RCOR1: variants seen among roughly 807,000 people sequenced by gnomAD.
RCOR1 encodes the protein REST corepressor.
In RCOR1, 12 loss-of-function variants were observed where a neutral mutation model predicts 64.0. The observed-to-expected ratio is 0.19, with a 90% CI of 0.12 to 0.30. RCOR1 has a LOEUF of 0.30. RCOR1 is among the 10% of genes least tolerant of loss of function. The probability of loss-of-function intolerance (pLI) is 1.00; values close to 1 mark genes in which losing one functional copy is unlikely to be tolerated. For synonymous variants in RCOR1, 279 were observed against 227.2 expected (o/e 1.23, Z -2.05); for missense variants, 502 against 621.2 (o/e 0.81, Z 2.04).
chr14:102,658,103 T>A, intron 2 of RCOR1: 1 of 244,614 alleles, frequency 4.1e-6, no homozygotes, highest in Non-Finnish European at 6.5e-6. Flanking sequence ...GCCTCCCAAG[T>A]AATTGGGATT....
intron 2 of RCOR1, chr14:102,659,368 T>C: frequency 6.2e-6 from 4 of 643,484 alleles, no homozygotes; most frequent in Non-Finnish European, 7.7e-6. Context: ...TTATTTTGGC[T>C]ATTCTGGTGG....
intron 2 of RCOR1, among the ~76,000 whole-genome samples, chr14:102,611,276 T>G (rs951782712): frequency 1.2e-4 from 19 of 152,096 alleles, no homozygotes; most frequent in African/African-American, 4.3e-4. Flanking sequence ...TTTCACCATG[T>G]TGGCCAGGCT....
At chr14:102,659,197 C>G (rs1205483913) in intron 2 of RCOR1, 1 of 984,288 alleles carries the variant, frequency 1.0e-6, no homozygotes, top group East Asian at 1.1e-4. Flanking sequence ...TCCATAAATA[C>G]TTAGATAAAT....
At chr14:102,676,046 T>C (rs1461270020) in intron 2 of RCOR1, among the ~76,000 whole-genome samples, 3 of 143,766 alleles carry the variant, frequency 2.1e-5, no homozygotes, top group East Asian at 4.2e-4. Context: ...TTTTTTTTTT[T>C]TTCCCCAAGG....
chr14:102,608,225 C>A (rs1301724027), intron 2 of RCOR1, among the ~76,000 whole-genome samples: 2 of 152,128 alleles, frequency 1.3e-5, no homozygotes, highest in African/African-American at 4.8e-5. Flanking sequence ...TTCTTATTCT[C>A]CATTCTCAGT....
chr14:102,658,968 A>C (rs1424595443), intron 2 of RCOR1: 1 of 289,150 alleles, frequency 3.5e-6, no homozygotes, highest in Non-Finnish European at 5.2e-6. Context: ...CACCTTCCAT[A>C]CTTATTTTTT....
chr14:102,707,575 AC>A (rs1895880778), intron 5 of RCOR1, 63 bp downstream of exon 5: 3 of 1,326,852 alleles, frequency 2.3e-6, no homozygotes, highest in Non-Finnish European at 3.1e-6. Context: ...TTTGCAGCAT[AC>A]TTGAGATAGG....
chr14:102,724,586 G>A (rs1821636942), intron 11 of RCOR1, among the ~76,000 whole-genome samples: 1 of 152,162 alleles, frequency 6.6e-6, no homozygotes, highest in South Asian at 2.1e-4. Context: ...GCTCGCCTCT[G>A]CCTCCCAAAG....
chr14:102,680,289 T>C (rs1394113969), intron 2 of RCOR1, among the ~76,000 whole-genome samples: 3 of 152,178 alleles, frequency 2.0e-5, no homozygotes, highest in Non-Finnish European at 4.4e-5. Context: ...CTACAAAATG[T>C]AGATTTTCTA....
intron 2 of RCOR1, among the ~76,000 whole-genome samples, chr14:102,601,690 T>G (rs1323247634): frequency 6.6e-6 from 1 of 152,198 alleles, no homozygotes; most frequent in African/African-American, 2.4e-5. Flanking sequence ...GGAATGGTCC[T>G]TCTTTGTGAA....
chr14:102,689,777 A>T (rs1428284221), intron 3 of RCOR1, among the ~76,000 whole-genome samples: 1 of 152,164 alleles, frequency 6.6e-6, no homozygotes, highest in Non-Finnish European at 1.5e-5. Flanking sequence ...AGAGTCTCGC[A>T]CTGATGCCTG....
In RCOR1 at chr14:102,726,616, A is replaced by T. The variant is rs569295194; in HGVS notation, c.*110A>T. 69 of 955,756 alleles carry T rather than the reference A, an allele frequency of 7.2e-5. 1 individual carries two copies. Among genetic ancestry groups the T allele is most frequent in the East Asian group, 3.2e-4 (13 of 41,168 alleles). 59.2% of individuals were successfully genotyped at this position (955,756 alleles called of 1,614,324 possible). On this transcript the variant is annotated 3_prime_UTR_variant, in exon 12 of 12. Coordinates refer to ENST00000262241, the MANE Select transcript of RCOR1 (RefSeq NM_015156.4). Reference sequence around the variant, plus strand: ...ATCACATCTCTCTGGACAAGCAGCTATTACCAAAAAAGGCATATACTTCCA... The same window carrying T: ...ATCACATCTCTCTGGACAAGCAGCTTTTACCAAAAAAGGCATATACTTCCA...
chr14:102,616,524 G>A (rs534531539), intron 2 of RCOR1, among the ~76,000 whole-genome samples: 71 of 152,244 alleles, frequency 4.7e-4, no homozygotes, highest in Non-Finnish European at 8.4e-4. Flanking sequence ...TCCGGCCTTG[G>A]ATTCCCAAAG....
intron 2 of RCOR1, among the ~76,000 whole-genome samples, chr14:102,677,169 C>A (rs1225424831): frequency 7.1e-6 from 1 of 141,544 alleles, no homozygotes; most frequent in East Asian, 2.2e-4. Flanking sequence ...TGACCCCCCC[C>A]CACCTCCCTC....
chr14:102,627,629 C>T (rs1379703270), intron 2 of RCOR1, among the ~76,000 whole-genome samples: 1 of 151,598 alleles, frequency 6.6e-6, no homozygotes, highest in Non-Finnish European at 1.5e-5. Context: ...TGCACTCCAG[C>T]CTGGGCGACA....
intron 5 of RCOR1, among the ~76,000 whole-genome samples, chr14:102,708,066 C>T (rs1010674100): frequency 3.3e-5 from 5 of 151,520 alleles, no homozygotes; most frequent in Admixed American, 6.6e-5. Flanking sequence ...CCCGGGTTCA[C>T]GCCATTCTCC....
At chr14:102,655,110 CTTTTTT>C (rs67404203) in intron 2 of RCOR1, 41 of 104,518 alleles carry the variant, frequency 3.9e-4, no homozygotes, top group Non-Finnish European at 4.7e-4. Context: ...CGCGGACAAC[CTTTTTT>C]TTTTTTTTTT....
intron 2 of RCOR1, among the ~76,000 whole-genome samples, chr14:102,620,006 A>T (rs1893841276): frequency 6.6e-6 from 1 of 152,204 alleles, no homozygotes; most frequent in Non-Finnish European, 1.5e-5. Flanking sequence ...ATTACTTCTC[A>T]TTGCTTCCAC....
At chr14:102,660,425 C>T (rs541014324) in intron 2 of RCOR1, among the ~76,000 whole-genome samples, 9 of 151,836 alleles carry the variant, frequency 5.9e-5, no homozygotes, top group Non-Finnish European at 1.2e-4. Flanking sequence ...CATTCTGTCA[C>T]CCAGGCTGGA....
Sources: gnomAD v4.1 joint callset for allele counts (sites outside exome capture counted in the v4.1 genomes callset) on GRCh38, gnomAD v4.1.1 for gene constraint, MANE v1.5 for transcripts, NCBI Gene and HGNC (gene_info 2026-07-23, HGNC 2026-07-21) for gene names.